Variants in SDK2 observed in about 807,000 individuals in gnomAD.
SDK2 encodes protein sidekick-2.
SDK2 carries 105 observed loss-of-function variants against 253.9 expected under a neutral mutation model. That is an observed-to-expected ratio of 0.41 (90% CI 0.35 to 0.49). The LOEUF (loss-of-function observed/expected upper bound fraction) is 0.49, where lower values mean the gene tolerates loss of function less well. Ranked by LOEUF, SDK2 falls within the 20% of genes least tolerant of loss-of-function variation. The probability of loss-of-function intolerance (pLI) is 0.06; values close to 1 mark genes in which losing one functional copy is unlikely to be tolerated. For synonymous variants in SDK2, 1,249 were observed against 1,234.9 expected (o/e 1.01, Z -0.24); for missense variants, 2,608 against 3,003.0 (o/e 0.87, Z 3.07).
rs1363517541 is a variant in SDK2 at position 73,361,804 on chromosome 17, G to T, written c.5347C>A (p.Pro1783Thr). The part of the protein sequence containing the change: ...IVTVDVKGNS[P>T]LWLKVKDLAE... The stretch of plus-strand genomic sequence containing the variant: ...AGGTCCTTCACCTTCAGCCACAGGG[G>T]GCTGTTCCCCTTCACGTCCACGGTC... The change falls in exon 39 of 45, where the codon CCC (proline) becomes ACC (threonine). Residue 1783 changes from proline to threonine, a missense_variant. Physicochemically the swap from Pro to Thr is conservative, Grantham distance 38. This residue lies in a region of SDK2 where 1,103 missense variants were observed against 1,143.9 expected (regional missense o/e 0.96). Coordinates refer to ENST00000392650, the MANE Select transcript of SDK2 (RefSeq NM_001144952.2). This position sits in a 1 kb window ranked among gnomAD's most constrained non-coding sequence, Gnocchi z 4.1. 2 of 1,607,932 alleles carry T rather than the reference G, an allele frequency of 1.2e-6. No homozygotes were observed. Among genetic ancestry groups the T allele is most frequent in the South Asian group, 1.1e-5 (1 of 89,750 alleles).
chr17:73,453,370 G>GTTTTTTTT (rs34814268), intron 4 of SDK2, among the ~76,000 whole-genome samples: 1 of 141,226 alleles, frequency 7.1e-6, no homozygotes. Context: ...CTGAGCTGGG[G>GTTTTTTTT]TTTTTTTTTT....
At chr17:73,401,468 G>A (rs1474856050) in intron 20 of SDK2, among the ~76,000 whole-genome samples, 186 bp downstream of exon 20, 1 of 152,144 alleles carries the variant, frequency 6.6e-6, no homozygotes, top group Non-Finnish European at 1.5e-5. Flanking sequence ...AGAAGGTGTG[G>A]GGCTGCAGAC....
intron 1 of SDK2, among the ~76,000 whole-genome samples, chr17:73,525,378 C>G (rs1016497153): frequency 9.2e-5 from 14 of 151,984 alleles, no homozygotes; most frequent in African/African-American, 3.4e-4. Flanking sequence ...ACAAAGCCAG[C>G]AAGGGAAAGG....
At chr17:73,491,490 A>G (rs1370866715) in intron 2 of SDK2, among the ~76,000 whole-genome samples, 1 of 150,576 alleles carries the variant, frequency 6.6e-6, no homozygotes, top group East Asian at 2.0e-4. Flanking sequence ...CTCCCACCTC[A>G]ACCTCTCAAG....
chr17:73,523,800 G>A lies in SDK2; in HGVS notation c.65-16203C>T, dbSNP rs927211097. Reference sequence around the variant, plus strand: ...CCCCCAAATAACAGGCCAGCACTGCGCAGAGCCCCTTTCTCTATGCAGGTT... The same window carrying A: ...CCCCCAAATAACAGGCCAGCACTGCACAGAGCCCCTTTCTCTATGCAGGTT... On this transcript the variant is annotated intron_variant, in intron 1 of 44. Coordinates refer to ENST00000392650, the MANE Select transcript of SDK2 (RefSeq NM_001144952.2). 3.3e-5 allele frequency among the ~76,000 whole-genome samples: 5 copies of A among 151,212 alleles called. No individual in the cohort carries two copies. In the East Asian group the frequency reaches 5.8e-4, roughly 18 times the overall value.
intron 1 of SDK2, among the ~76,000 whole-genome samples, chr17:73,638,663 G>C (rs2143299990): frequency 6.6e-6 from 1 of 152,124 alleles, no homozygotes. Flanking sequence ...CATGTCTGGG[G>C]AGTAGAGGGG....
rs2046434315 is a variant in SDK2, at chr17:73,644,173, C to T, written c.-85G>A. ...CCTGGTGGGGTCCGATACCCCGTGGCTTAGTCCCAGGAAACAGTCAGTCTA... is the reference window on the plus strand; with the variant it reads ...CCTGGTGGGGTCCGATACCCCGTGGTTTAGTCCCAGGAAACAGTCAGTCTA... On this transcript the variant is annotated 5_prime_UTR_variant, in exon 1 of 45. Coordinates refer to ENST00000392650, the MANE Select transcript of SDK2 (RefSeq NM_001144952.2). The surrounding 1 kb of genome is among the most constrained non-coding windows in gnomAD (Gnocchi z 6.3). 8.5e-7 allele frequency: 1 copy of T among 1,172,294 alleles called. No homozygotes were observed. Among genetic ancestry groups the T allele is most frequent in the Admixed American group, 2.0e-5 (1 of 49,350 alleles). 72.6% of individuals were successfully genotyped at this position (1,172,294 alleles called of 1,614,324 possible). A position where few individuals can be genotyped will look rare whatever the true frequency, so the allele number is the denominator to read the frequency against.
At chr17:73,389,462 G>C (rs2062908314) in intron 29 of SDK2, among the ~76,000 whole-genome samples, 1 of 152,154 alleles carries the variant, frequency 6.6e-6, no homozygotes, top group African/African-American at 2.4e-5. Context: ...AGGATTACAG[G>C]TGTGAGCCAC....
chr17:73,367,098 G>A (rs1391759447), intron 37 of SDK2, among the ~76,000 whole-genome samples: 1 of 152,076 alleles, frequency 6.6e-6, no homozygotes, highest in East Asian at 1.9e-4. Context: ...CCACCTCCCA[G>A]GTTCAAGCGA....
In SDK2 at chr17:73,398,421, C is replaced by G. The variant is rs1352885519; in HGVS notation, c.3102G>C (p.Val1034=). 6.2e-7 allele frequency: 1 copy of G among 1,613,688 alleles called. No individual in the cohort carries two copies. The highest frequency in any genetic ancestry group is 1.1e-5 in the South Asian group (1 of 91,052). The change falls in exon 23 of 45, where the codon GTG becomes GTC. Residue 1034 remains valine (V), a synonymous_variant. Coordinates refer to ENST00000392650, the MANE Select transcript of SDK2 (RefSeq NM_001144952.2). ...SRWLVEAQVG[V]VGEGEEWLLI... is the part of the protein sequence containing the mutation. ...GCAACCACTCCTCTCCCTCCCCAAC[C>G]ACGCCTACCTGGAAAAGGGCAGGAT...
intron 1 of SDK2, among the ~76,000 whole-genome samples, chr17:73,586,332 G>A (rs2045602281): frequency 6.6e-6 from 1 of 151,938 alleles, no homozygotes; most frequent in Admixed American, 6.6e-5. Flanking sequence ...GGTGTGTGTG[G>A]CTGGATCAAT....
At chr17:73,472,078 GC>G (rs771856049) in intron 3 of SDK2, 33 bp downstream of exon 3, 134 of 1,467,782 alleles carry the variant, frequency 9.1e-5, no homozygotes, top group African/African-American at 1.5e-4. Context: ...CACCACAGTC[GC>G]CCCCCCTGCC....
chr17:73,423,418 A>AG lies in SDK2; in HGVS notation c.1864dup (p.Leu622ProfsTer95), dbSNP rs761363502. The AG allele has an allele frequency of 1.9e-6, 3 of 1,562,866 alleles. No individual in the cohort carries two copies. The highest frequency in any genetic ancestry group is 3.7e-5 in the Admixed American group (2 of 53,704). ...CGACATCTCCAGAATGTAGCGGATC[A>AG]GGGGGCTGTTGCCATCAAAGGGCTT... On this transcript the variant is annotated frameshift_variant, in exon 14 of 45. Coordinates refer to ENST00000392650, the MANE Select transcript of SDK2 (RefSeq NM_001144952.2). LOFTEE classifies it high-confidence loss of function.
intron 1 of SDK2, among the ~76,000 whole-genome samples, chr17:73,630,991 C>T (rs908338295): frequency 2.0e-5 from 3 of 152,154 alleles, no homozygotes; most frequent in African/African-American, 7.2e-5. Flanking sequence ...CACCTCCCTT[C>T]TCTGTCTTCG....
chr17:73,456,732 G>C (rs909125744), intron 3 of SDK2, among the ~76,000 whole-genome samples: 1 of 152,216 alleles, frequency 6.6e-6, no homozygotes, highest in African/African-American at 2.4e-5. Flanking sequence ...ATTTATCCTG[G>C]CTCTGCCTGC....
In SDK2 at chr17:73,361,540, GT is replaced by G. The variant is rs2062640185; in HGVS notation, c.5467+143del. The G allele has an allele frequency of 2.7e-6, 2 of 750,498 alleles. No homozygotes were observed. The highest frequency in any genetic ancestry group is 3.5e-5 in the African/African-American group (2 of 57,664). The allele number at this position is 750,498 out of a possible 1,614,324, so 46.5% of individuals were successfully genotyped here. ...CCGGGAGGAGGGAGCGGGGGGAGGGGTCACTGGGCACCAGGGGAAAGAGTGA... is the reference window on the plus strand; with the variant it reads ...CCGGGAGGAGGGAGCGGGGGGAGGGGCACTGGGCACCAGGGGAAAGAGTGA... On this transcript the variant is annotated intron_variant, in intron 39 of 44. Transcript: ENST00000392650. The surrounding 1 kb of genome is among the most constrained non-coding windows in gnomAD (Gnocchi z 4.1).
intron 26 of SDK2, 144 bp downstream of exon 26, chr17:73,394,065 G>A (rs2062950514): frequency 7.7e-6 from 4 of 522,678 alleles, no homozygotes; most frequent in Non-Finnish European, 1.3e-5. Context: ...TTGCCATGGT[G>A]ACCATTGGCT....
chr17:73,420,219 T>C (rs2063218157), intron 15 of SDK2, among the ~76,000 whole-genome samples: 1 of 152,266 alleles, frequency 6.6e-6, no homozygotes, highest in South Asian at 2.1e-4. Context: ...AGTGTACTTT[T>C]CACATCACGG....
intron 1 of SDK2, among the ~76,000 whole-genome samples, chr17:73,604,962 C>G (rs1194329967): frequency 6.6e-6 from 1 of 152,146 alleles, no homozygotes; most frequent in Non-Finnish European, 1.5e-5. Context: ...CCCAGTGGTC[C>G]TGGAAGGAGA....
Sources: allele counts gnomAD v4.1 joint callset (sites outside exome capture counted in the v4.1 genomes callset), GRCh38; gene constraint gnomAD v4.1.1; regional missense constraint gnomAD v4.1.1; non-coding constraint Gnocchi (gnomAD v3.1); transcripts MANE v1.5; gene names NCBI Gene and HGNC (gene_info 2026-07-23, HGNC 2026-07-21).